The following WDTC1 variants were observed in gnomAD, a reference collection of about 807,000 sequenced individuals.
The protein encoded by WDTC1 is WD and tetratricopeptide repeats protein 1.
WDTC1 carries 12 observed loss-of-function variants against 76.0 expected under a neutral mutation model. The observed-to-expected ratio is 0.16, with a 90% CI of 0.10 to 0.26. The LOEUF (loss-of-function observed/expected upper bound fraction) is 0.26, where lower values mean the gene tolerates loss of function less well. Ranked by LOEUF, WDTC1 falls within the 10% of genes least tolerant of loss-of-function variation. The pLI is 1.00. For missense variants in WDTC1, 511 were observed against 908.8 expected (o/e 0.56, Z 5.63); for synonymous variants, 326 against 350.8 (o/e 0.93, Z 0.79).
chr1:27,249,717 T>G (rs1475161958), intron 1 of WDTC1, among the ~76,000 whole-genome samples: 1 of 152,150 alleles, frequency 6.6e-6, no homozygotes, highest in African/African-American at 2.4e-5. Flanking sequence ...TAGCTAGGGC[T>G]GTAGATGCAT....
intron 3 of WDTC1, among the ~76,000 whole-genome samples, chr1:27,273,967 T>C (rs1277802165): frequency 6.6e-6 from 1 of 152,124 alleles, no homozygotes; most frequent in Non-Finnish European, 1.5e-5. Context: ...TTTGAAATTG[T>C]TTCAAAATAG....
At chr1:27,247,444 C>T (rs1333025162) in intron 1 of WDTC1, among the ~76,000 whole-genome samples, 1 of 152,094 alleles carries the variant, frequency 6.6e-6, no homozygotes, top group East Asian at 1.9e-4. Flanking sequence ...GCCTAGTACT[C>T]AATAGTTATT....
intron 3 of WDTC1, among the ~76,000 whole-genome samples, chr1:27,280,452 C>G (rs2013157409): frequency 6.6e-6 from 1 of 152,202 alleles, no homozygotes. Flanking sequence ...AACCTTAATA[C>G]ATGGTAATAA....
At chr1:27,237,087 C>T (rs532144868) in intron 1 of WDTC1, among the ~76,000 whole-genome samples, 5 of 152,260 alleles carry the variant, frequency 3.3e-5, no homozygotes, top group East Asian at 1.9e-4. Context: ...CCACCGACCT[C>T]GGCCTCCCAG....
At chr1:27,298,543 C>T (rs2013750099) in intron 12 of WDTC1, among the ~76,000 whole-genome samples, 1 of 152,144 alleles carries the variant, frequency 6.6e-6, no homozygotes, top group African/African-American at 2.4e-5. Flanking sequence ...GTCCCTTGCC[C>T]CTCTAAGGCT....
intron 3 of WDTC1, among the ~76,000 whole-genome samples, chr1:27,266,284 G>A (rs571784690): frequency 1.3e-5 from 2 of 152,290 alleles, no homozygotes; most frequent in South Asian, 4.2e-4. Flanking sequence ...CGGTAGCCAA[G>A]GAGGAGAAAA....
At chr1:27,247,039 G>T (rs752968040) in intron 1 of WDTC1, among the ~76,000 whole-genome samples, 3 of 151,644 alleles carry the variant, frequency 2.0e-5, no homozygotes, top group African/African-American at 2.4e-5. Context: ...GCCTATTTCT[G>T]CATTATTATT....
chr1:27,238,498 G>C (rs1244870052), intron 1 of WDTC1, among the ~76,000 whole-genome samples: 1 of 151,094 alleles, frequency 6.6e-6, no homozygotes, highest in Non-Finnish European at 1.5e-5. Context: ...TTTTTTCTTT[G>C]AGACAGAGTC....
At chr1:27,267,397 C>A (rs2012710794) in intron 3 of WDTC1, among the ~76,000 whole-genome samples, 1 of 152,064 alleles carries the variant, frequency 6.6e-6, no homozygotes, top group Non-Finnish European at 1.5e-5. Context: ...AGGCGTGTGC[C>A]ACCACACCCA....
At chr1:27,277,591 C>G (rs1364478644) in intron 3 of WDTC1, among the ~76,000 whole-genome samples, 1 of 152,060 alleles carries the variant, frequency 6.6e-6, no homozygotes, top group Non-Finnish European at 1.5e-5. Context: ...GCCCCTGTTC[C>G]CAGCCTGTCT....
chr1:27,303,845 G>GT lies in WDTC1; in HGVS notation c.1643+50_1643+51insT, dbSNP rs1456647817. The GT allele has an allele frequency of 5.0e-6, 8 of 1,603,806 alleles. No individual in the cohort carries two copies. The African/African-American group carries it at 6.7e-5, about 13-fold the overall frequency. On this transcript the variant is annotated intron_variant, in intron 14 of 15. Coordinates refer to ENST00000319394, the MANE Select transcript of WDTC1 (RefSeq NM_001276252.2). This position sits in a 1 kb window ranked among gnomAD's most constrained non-coding sequence, Gnocchi z 4.8. ...GCAGCCCAGTTGGCAGCGGGAGGTT[G>GT]AGTGGGGAGTGTTGGGGCATAATGG...
chr1:27,278,701 G>A (rs2013104852), intron 3 of WDTC1, among the ~76,000 whole-genome samples: 1 of 152,172 alleles, frequency 6.6e-6, no homozygotes, highest in Admixed American at 6.5e-5. Flanking sequence ...TATTCCATAT[G>A]CCTGAAATGC....
At chr1:27,242,669 A>G (rs1008074635) in intron 1 of WDTC1, among the ~76,000 whole-genome samples, 3 of 152,058 alleles carry the variant, frequency 2.0e-5, no homozygotes, top group Non-Finnish European at 4.4e-5. Context: ...GGGTTTCACC[A>G]TGTTGGTCAG....
At chr1:27,254,951 T>C (rs2012226731) in intron 1 of WDTC1, among the ~76,000 whole-genome samples, 1 of 152,146 alleles carries the variant, frequency 6.6e-6, no homozygotes, top group African/African-American at 2.4e-5. Flanking sequence ...GTTTTTTTTT[T>C]TTAAACCTGT....
rs548950248 is a variant in WDTC1 at position 27,305,715 on chromosome 1, A to G, written c.1837-471A>G. On this transcript the variant is annotated intron_variant, in intron 15 of 15. Coordinates refer to ENST00000319394, the MANE Select transcript of WDTC1 (RefSeq NM_001276252.2). The surrounding 1 kb of genome is among the most constrained non-coding windows in gnomAD (Gnocchi z 4.6). ...TTCCCTCTTCCCAGCTGGCAAAACA[A>G]AAGTCAAGTGGTATGTCTGATTCCC... is the stretch of plus-strand genomic sequence containing the variant. 7.2e-4 allele frequency among the ~76,000 whole-genome samples: 109 copies of G among 152,222 alleles called. 1 individual carries two copies. Among genetic ancestry groups the G allele is most frequent in the African/African-American group, 2.6e-3 (106 of 41,532 alleles).
intron 1 of WDTC1, among the ~76,000 whole-genome samples, chr1:27,235,454 C>T (rs1487810000): frequency 6.7e-6 from 1 of 149,422 alleles, no homozygotes; most frequent in African/African-American, 2.5e-5. Context: ...CAGATGCCTT[C>T]AGTGGCCCAT....
intron 11 of WDTC1, 60 bp from the exon 12 acceptor site, chr1:27,297,878 C>G: frequency 6.6e-7 from 1 of 1,516,260 alleles, no homozygotes; most frequent in Middle Eastern, 1.8e-4. Flanking sequence ...GTTACAGACT[C>G]CCTGAGGGGC....
At chr1:27,288,619 T>C (rs1030333633) in intron 6 of WDTC1, among the ~76,000 whole-genome samples, 4 of 151,598 alleles carry the variant, frequency 2.6e-5, no homozygotes, top group Non-Finnish European at 4.4e-5. Context: ...TTAATCCATT[T>C]AACCCTGAGT....
intron 3 of WDTC1, among the ~76,000 whole-genome samples, chr1:27,264,560 C>T (rs1387917996): frequency 1.3e-5 from 2 of 152,098 alleles, no homozygotes; most frequent in South Asian, 2.1e-4. Context: ...TTCATTGTGT[C>T]TGACATAGAG....
Sources: gnomAD v4.1 joint callset for allele counts (sites outside exome capture counted in the v4.1 genomes callset) on GRCh38, gnomAD v4.1.1 for gene constraint, Gnocchi (gnomAD v3.1) non-coding constraint, MANE v1.5 for transcripts, NCBI Gene and HGNC (gene_info 2026-07-23, HGNC 2026-07-21) for gene names.